The following KCNT2 variants were observed in gnomAD, a reference collection of about 807,000 sequenced individuals.
KCNT2 encodes the protein potassium channel subfamily T member 2.
A neutral mutation model predicts 153.8 loss-of-function variants in KCNT2; 67 were observed. That is an observed-to-expected ratio of 0.44 (90% CI 0.36 to 0.53). The LOEUF is 0.53. Among genes scored for constraint, KCNT2 ranks in the 20% least tolerant of loss-of-function variants. KCNT2 has a pLI of 0.00. For synonymous variants in KCNT2, 500 were observed against 458.8 expected (o/e 1.09, Z -1.15); for missense variants, 975 against 1,354.8 (o/e 0.72, Z 4.40).
At chr1:196,278,130 G>A (rs1383049459) in intron 25 of KCNT2, among the ~76,000 whole-genome samples, 1 of 152,020 alleles carries the variant, frequency 6.6e-6, no homozygotes, top group African/African-American at 2.4e-5. Context: ...ATCCTTTCAT[G>A]TATCAGACCA....
At chr1:196,592,277 T>A (rs987885522) in intron 1 of KCNT2, among the ~76,000 whole-genome samples, 2 of 151,882 alleles carry the variant, frequency 1.3e-5, no homozygotes, top group African/African-American at 2.4e-5. Context: ...ATCTTTTCAC[T>A]TATTTGTGGG....
chr1:196,336,250 C>G (rs1471876131), intron 16 of KCNT2, among the ~76,000 whole-genome samples: 1 of 152,004 alleles, frequency 6.6e-6, no homozygotes, highest in Non-Finnish European at 1.5e-5. Flanking sequence ...ACTCTTCAGT[C>G]CTTCACTCTC....
At chr1:196,355,116 T>C (rs889348743) in intron 14 of KCNT2, among the ~76,000 whole-genome samples, 2 of 151,654 alleles carry the variant, frequency 1.3e-5, no homozygotes, top group African/African-American at 4.8e-5. Flanking sequence ...TAACTATGTA[T>C]TATATGAACA....
chr1:196,293,216 A>T (rs921238241), intron 22 of KCNT2, among the ~76,000 whole-genome samples: 1 of 152,222 alleles, frequency 6.6e-6, no homozygotes, highest in African/African-American at 2.4e-5. Flanking sequence ...CTTCAGATTT[A>T]CTGCAATCCT....
At chr1:196,607,931 T>C (rs1665500020) in intron 1 of KCNT2, among the ~76,000 whole-genome samples, 1 of 152,090 alleles carries the variant, frequency 6.6e-6, no homozygotes, top group South Asian at 2.1e-4. Flanking sequence ...CTTATACACA[T>C]CCTAGAAAAG....
At chr1:196,531,648 A>G (rs888938611) in intron 1 of KCNT2, among the ~76,000 whole-genome samples, 1 of 151,998 alleles carries the variant, frequency 6.6e-6, no homozygotes, top group African/African-American at 2.4e-5. Flanking sequence ...TCACCCCAAA[A>G]CAGACTTTCA....
chr1:196,437,528 A>G (rs1466751535), intron 8 of KCNT2, among the ~76,000 whole-genome samples: 2 of 149,302 alleles, frequency 1.3e-5, no homozygotes, highest in East Asian at 2.0e-4. Context: ...GCTATCTAAA[A>G]TATAAAAAAG....
chr1:196,497,584 C>T (rs1680356410), intron 1 of KCNT2, among the ~76,000 whole-genome samples: 1 of 152,088 alleles, frequency 6.6e-6, no homozygotes, highest in East Asian at 1.9e-4. Flanking sequence ...AGTCCTGGAA[C>T]CAATCCCCAT....
At chr1:196,606,007 T>C (rs138097765) in intron 1 of KCNT2, among the ~76,000 whole-genome samples, 39 of 152,336 alleles carry the variant, frequency 2.6e-4, no homozygotes, top group African/African-American at 8.9e-4. Flanking sequence ...ACGTATTTAA[T>C]TTACCAAAAT....
chr1:196,465,336 C>T lies in KCNT2; in HGVS notation c.595G>A (p.Val199Ile). Residue 199 changes from valine to isoleucine, a missense_variant, in exon 8 of 28, where the codon GTT becomes ATT. Coordinates refer to ENST00000294725, the MANE Select transcript of KCNT2 (RefSeq NM_198503.5). Reference sequence around the variant, plus strand: ...AGTAATGTAGATATTAAAATCAAAACTTGATTAAACATTGCAGACTGTGTA... The same window carrying T: ...AGTAATGTAGATATTAAAATCAAAATTTGATTAAACATTGCAGACTGTGTA... ...QRTQSAMFNQ[V>I]LILISTLLCL... 1 of 1,607,310 alleles carries T rather than the reference C, an allele frequency of 6.2e-7. No individual in the cohort carries two copies. Among genetic ancestry groups the T allele is most frequent in the Non-Finnish European group, 8.5e-7 (1 of 1,174,526 alleles).
intron 1 of KCNT2, among the ~76,000 whole-genome samples, chr1:196,570,064 G>C (rs1372286810): frequency 1.9e-5 from 2 of 107,214 alleles, no homozygotes; most frequent in African/African-American, 8.6e-5. Context: ...GCTTGAGCTA[G>C]AGTAAAAAAA....
intron 1 of KCNT2, among the ~76,000 whole-genome samples, chr1:196,553,572 A>G (rs1229098687): frequency 2.0e-5 from 3 of 151,206 alleles, no homozygotes; most frequent in Non-Finnish European, 3.0e-5. Context: ...TCAGCATAGG[A>G]CAGACCTCCC....
At chr1:196,446,921 T>C (rs1034445185) in intron 8 of KCNT2, among the ~76,000 whole-genome samples, 3 of 151,538 alleles carry the variant, frequency 2.0e-5, no homozygotes, top group Non-Finnish European at 4.4e-5. Context: ...CACCTGTCTT[T>C]ACCCATTAGA....
At chr1:196,373,025 G>GTATATACCTATATAGA in intron 14 of KCNT2, 115 bp downstream of exon 14, 1 of 579,730 alleles carries the variant, frequency 1.7e-6, no homozygotes, top group East Asian at 3.2e-5. Context: ...ACAAATTCAA[G>GTATATACCTATATAGA]TATAGGTACA....
intron 26 of KCNT2, among the ~76,000 whole-genome samples, chr1:196,236,916 A>T (rs1012788160): frequency 6.6e-6 from 1 of 151,466 alleles, no homozygotes; most frequent in Non-Finnish European, 1.5e-5. Context: ...CAGTAAACAT[A>T]ATTCCTCCCA....
intron 25 of KCNT2, among the ~76,000 whole-genome samples, chr1:196,266,385 T>C (rs891923235): frequency 1.3e-5 from 2 of 152,154 alleles, no homozygotes; most frequent in African/African-American, 4.8e-5. Context: ...ACATATAAAA[T>C]ACAGGGCAAA....
chr1:196,264,082 A>C (rs1657287528), intron 25 of KCNT2, among the ~76,000 whole-genome samples: 1 of 152,048 alleles, frequency 6.6e-6, no homozygotes, highest in South Asian at 2.1e-4. Context: ...GATCTTTCAA[A>C]GCTGTCATTT....
chr1:196,451,941 C>T (rs1380902713), intron 8 of KCNT2, among the ~76,000 whole-genome samples: 1 of 151,894 alleles, frequency 6.6e-6, no homozygotes, highest in Non-Finnish European at 1.5e-5. Flanking sequence ...CTTCTCCCCT[C>T]TCCTAGGTTT....
chr1:196,512,106 T>A (rs1681681966), intron 1 of KCNT2, among the ~76,000 whole-genome samples: 3 of 152,168 alleles, frequency 2.0e-5, no homozygotes, highest in Admixed American at 2.0e-4. Flanking sequence ...TCGTACTTAT[T>A]CTATCAGCAT....
Sources: gnomAD v4.1 joint callset for allele counts (sites outside exome capture counted in the v4.1 genomes callset) on GRCh38, gnomAD v4.1.1 for gene constraint, MANE v1.5 for transcripts, NCBI Gene and HGNC (gene_info 2026-07-23, HGNC 2026-07-21) for gene names.